The following ZNF804A variants were observed in gnomAD, a reference collection of about 807,000 sequenced individuals.
The protein encoded by ZNF804A is zinc finger protein 804A.
In ZNF804A, 2 loss-of-function variants were observed where a neutral mutation model predicts 16.5. That is an observed-to-expected ratio of 0.12 (90% CI 0.05 to 0.38). ZNF804A has a LOEUF of 0.38. ZNF804A is among the 10% of genes least tolerant of loss of function. The pLI is 0.99. For synonymous variants in ZNF804A, 534 were observed against 489.6 expected (o/e 1.09, Z -1.20); for missense variants, 1,473 against 1,390.7 (o/e 1.06, Z -0.94).
intron 1 of ZNF804A, among the ~76,000 whole-genome samples, chr2:184,808,912 AAC>A (rs1694851312): frequency 6.6e-6 from 1 of 151,812 alleles, no homozygotes. Flanking sequence ...TCTGCAAAAA[AAC>A]AAAACAAAGC....
intron 1 of ZNF804A, among the ~76,000 whole-genome samples, chr2:184,792,105 G>T (rs981273311): frequency 5.3e-5 from 8 of 152,116 alleles, no homozygotes; most frequent in African/African-American, 1.9e-4. Flanking sequence ...TGGCAATTAT[G>T]AATAAAGCCA....
chr2:184,924,058 G>C lies in ZNF804A; in HGVS notation c.256-9545G>C, dbSNP rs181620789. On this transcript the variant is annotated intron_variant, in intron 2 of 3. Transcript: ENST00000302277. ...GTATGTTTTCAGTGTGTCTTTTCCT[G>C]GTTTTGGTATCAGGGCAATACGGTC... 1.8e-3 allele frequency among the ~76,000 whole-genome samples: 279 copies of C among 151,262 alleles called. 1 individual carries two copies. The highest frequency in any genetic ancestry group is 6.4e-3 in the African/African-American group (263 of 41,350).
chr2:184,685,737 C>T (rs1388195325), intron 1 of ZNF804A, among the ~76,000 whole-genome samples: 4 of 152,168 alleles, frequency 2.6e-5, no homozygotes, highest in Admixed American at 6.5e-5. Flanking sequence ...CATTCCAGGC[C>T]ATGGACTCTA....
intron 2 of ZNF804A, 85 bp downstream of exon 2, chr2:184,866,597 T>A: frequency 1.9e-6 from 2 of 1,029,562 alleles, no homozygotes; most frequent in Non-Finnish European, 2.7e-6. Context: ...TATGATATGA[T>A]ATTCTTATTT....
intron 1 of ZNF804A, among the ~76,000 whole-genome samples, chr2:184,712,431 T>C (rs1693144954): frequency 6.6e-6 from 1 of 151,706 alleles, no homozygotes; most frequent in African/African-American, 2.4e-5. Context: ...ACATGATGAG[T>C]TTATTTCGAT....
chr2:184,729,094 G>A (rs1015875881), intron 1 of ZNF804A, among the ~76,000 whole-genome samples: 3 of 151,616 alleles, frequency 2.0e-5, no homozygotes, highest in Admixed American at 2.0e-4. Context: ...TTAGACAGGA[G>A]GAATAACTTT....
chr2:184,865,571 A>G (rs953511568), intron 1 of ZNF804A, among the ~76,000 whole-genome samples: 10 of 152,126 alleles, frequency 6.6e-5, no homozygotes, highest in African/African-American at 2.4e-4. Context: ...TGAAATAGCA[A>G]GTAATTTATC....
chr2:184,722,950 A>G (rs1418518657), intron 1 of ZNF804A, among the ~76,000 whole-genome samples: 1 of 151,990 alleles, frequency 6.6e-6, no homozygotes, highest in Non-Finnish European at 1.5e-5. Context: ...AAACAGTGTT[A>G]CTTTGCCTAG....
chr2:184,640,874 A>T (rs1469021724), intron 1 of ZNF804A, among the ~76,000 whole-genome samples: 1 of 152,212 alleles, frequency 6.6e-6, no homozygotes, highest in African/African-American at 2.4e-5. Flanking sequence ...GTACTTTAAG[A>T]TGAAAAGACT....
At chr2:184,645,324 T>C (rs1691853662) in intron 1 of ZNF804A, among the ~76,000 whole-genome samples, 1 of 152,144 alleles carries the variant, frequency 6.6e-6, no homozygotes, top group Admixed American at 6.6e-5. Context: ...TAGTTTTCTA[T>C]TTTACATTGA....
chr2:184,709,968 G>A (rs1460194238), intron 1 of ZNF804A, among the ~76,000 whole-genome samples: 2 of 150,608 alleles, frequency 1.3e-5, no homozygotes, highest in Non-Finnish European at 3.0e-5. Context: ...ATTTAGTTAT[G>A]TAAATATATA....
At chr2:184,789,468 T>G (rs1201994924) in intron 1 of ZNF804A, among the ~76,000 whole-genome samples, 1 of 152,066 alleles carries the variant, frequency 6.6e-6, no homozygotes, top group Non-Finnish European at 1.5e-5. Flanking sequence ...GGTCCTAGGC[T>G]TTGTTGTTGT....
intron 1 of ZNF804A, among the ~76,000 whole-genome samples, chr2:184,727,229 C>T (rs1412420388): frequency 6.6e-6 from 1 of 151,562 alleles, no homozygotes; most frequent in Non-Finnish European, 1.5e-5. Flanking sequence ...ACCACATTAA[C>T]CTTTCTCACA....
chr2:184,738,926 CAT>C (rs1435412576), intron 1 of ZNF804A, among the ~76,000 whole-genome samples: 1 of 152,154 alleles, frequency 6.6e-6, no homozygotes, highest in Admixed American at 6.5e-5. Flanking sequence ...TCAATTGACA[CAT>C]GTTATCAAAA....
At chr2:184,714,317 C>A (rs1173935962) in intron 1 of ZNF804A, among the ~76,000 whole-genome samples, 1 of 152,056 alleles carries the variant, frequency 6.6e-6, no homozygotes, top group Non-Finnish European at 1.5e-5. Context: ...CACACTATTC[C>A]TGGCTGCCAA....
chr2:184,883,407 C>T (rs956597299), intron 2 of ZNF804A, among the ~76,000 whole-genome samples: 1 of 152,076 alleles, frequency 6.6e-6, no homozygotes, highest in Non-Finnish European at 1.5e-5. Flanking sequence ...AGGAGAGATT[C>T]CTCCCTAACT....
chr2:184,829,762 T>A (rs1441014915), intron 1 of ZNF804A, among the ~76,000 whole-genome samples: 5 of 151,058 alleles, frequency 3.3e-5, no homozygotes, highest in South Asian at 2.1e-4. Context: ...ATTTTAAAAC[T>A]TATAAAATAA....
rs919180340 is a variant in ZNF804A at position 184,728,216 on chromosome 2, T to A, written c.111+129146T>A. 1.1e-4 allele frequency among the ~76,000 whole-genome samples: 16 copies of A among 151,854 alleles called. No homozygotes were observed. In the East Asian group the frequency reaches 2.7e-3, roughly 26 times the overall value. On this transcript the variant is annotated intron_variant, in intron 1 of 3. Coordinates refer to ENST00000302277, the MANE Select transcript of ZNF804A (RefSeq NM_194250.2). The stretch of plus-strand genomic sequence containing the variant: ...AAATAGAAATAACCAACTCGAGAAA[T>A]ATTTCTGAATTCCGAATATGAACAG...
chr2:184,805,304 T>G (rs1209649450), intron 1 of ZNF804A, among the ~76,000 whole-genome samples: 1 of 152,186 alleles, frequency 6.6e-6, no homozygotes, highest in African/African-American at 2.4e-5. Context: ...TTAAGATATC[T>G]TAATATTTCT....
Sources: allele counts gnomAD v4.1 joint callset (sites outside exome capture counted in the v4.1 genomes callset), GRCh38; gene constraint gnomAD v4.1.1; transcripts MANE v1.5; gene names NCBI Gene and HGNC (gene_info 2026-07-23, HGNC 2026-07-21).